The following NLRP13 variants were observed in gnomAD, a reference collection of about 807,000 sequenced individuals.
The protein encoded by NLRP13 is NACHT, LRR and PYD domains-containing protein 13.
NLRP13 carries 82 observed loss-of-function variants against 94.4 expected under a neutral mutation model. The observed-to-expected ratio is 0.87, with a 90% CI of 0.73 to 1.04. The LOEUF (loss-of-function observed/expected upper bound fraction) is 1.04, where lower values mean the gene tolerates loss of function less well. NLRP13 is among the 50% of genes least tolerant of loss of function. The pLI, the probability that NLRP13 is intolerant of heterozygous loss-of-function variation, is 0.00. For synonymous variants in NLRP13, 553 were observed against 464.7 expected (o/e 1.19, Z -2.45); for missense variants, 1,426 against 1,230.8 (o/e 1.16, Z -2.37).
chr19:55,929,169 T>G (rs1270086004), intron 1 of NLRP13, among the ~76,000 whole-genome samples: 1 of 152,194 alleles, frequency 6.6e-6, no homozygotes, highest in Admixed American at 6.5e-5. Context: ...ACTTTTACAC[T>G]GTTGGTGGGA....
chr19:55,911,073 A>G (rs1017396879), intron 5 of NLRP13, among the ~76,000 whole-genome samples: 1 of 152,104 alleles, frequency 6.6e-6, no homozygotes, highest in Admixed American at 6.6e-5. Context: ...GGGTTGCAAG[A>G]CCACCCCTAG....
At chr19:55,927,455 T>C (rs1986995106) in intron 1 of NLRP13, among the ~76,000 whole-genome samples, 2 of 104,586 alleles carry the variant, frequency 1.9e-5, no homozygotes, top group Admixed American at 1.0e-4. Context: ...GTCTAATTCC[T>C]TAAAAAAAAA....
At chr19:55,915,967 C>T (rs1401131321) in intron 4 of NLRP13, among the ~76,000 whole-genome samples, 1 of 152,302 alleles carries the variant, frequency 6.6e-6, no homozygotes, top group South Asian at 2.1e-4. Flanking sequence ...CAACCCAATA[C>T]AAAAGCTGCT....
intron 8 of NLRP13, among the ~76,000 whole-genome samples, chr19:55,903,223 T>C (rs1399057717): frequency 1.3e-5 from 2 of 152,144 alleles, no homozygotes; most frequent in Non-Finnish European, 2.9e-5. Flanking sequence ...TAACTCACAT[T>C]ATGTGTGTGA....
chr19:55,918,662 G>T (rs939877921), intron 4 of NLRP13, among the ~76,000 whole-genome samples: 1 of 152,044 alleles, frequency 6.6e-6, no homozygotes, highest in East Asian at 1.9e-4. Context: ...AACCTACCAA[G>T]ATTGAATCAG....
chr19:55,930,291 TG>T (rs1246129583), intron 1 of NLRP13, among the ~76,000 whole-genome samples: 1 of 152,242 alleles, frequency 6.6e-6, no homozygotes, highest in Non-Finnish European at 1.5e-5. Flanking sequence ...TTAAGCTGTC[TG>T]TGCCTCAGTT....
rs776402197 is a variant in NLRP13 at position 55,907,837 on chromosome 19, A to G, written c.2402T>C (p.Ile801Thr). The G allele has an allele frequency of 1.2e-6, 2 of 1,613,848 alleles. No individual in the cohort carries two copies. The highest frequency in any genetic ancestry group is 1.3e-5 in the African/African-American group (1 of 74,902). The change falls in exon 7 of 11, where the codon ATT becomes ACT. Residue 801 changes from isoleucine to threonine, a missense_variant. Ile to Thr is a moderately conservative substitution (Grantham distance 89, BLOSUM62 -1). Transcript: ENST00000342929. The stretch of plus-strand genomic sequence containing the variant: ...AGCTGAGTGTCTCAAAGCTTTAAGA[A>G]TCAGGGGGACAGTCATTCCCAGCTT... ...SNKLGMTVPL[I>T]LKALRHSACN...
chr19:55,921,916 A>C (rs1160542660), intron 4 of NLRP13, among the ~76,000 whole-genome samples: 2 of 152,326 alleles, frequency 1.3e-5, no homozygotes, highest in East Asian at 3.9e-4. Flanking sequence ...GTTAATTGGT[A>C]TATTAGTCTG....
chr19:55,898,891 T>C lies in NLRP13; in HGVS notation c.2836A>G (p.Asn946Asp). Residue 946 changes from asparagine (N) to aspartate (D), a missense_variant, in exon 10 of 11, where the codon AAT (asparagine) becomes GAT (aspartate). Transcript: ENST00000342929. ...FTREGCGELA[N>D]ALSHNHNVKI... ...ACATTATGATTATGGCTGAGGGCATTAGCCAGCTCTCCACAGCCCTCTCTT... is the reference window on the plus strand; with the variant it reads ...ACATTATGATTATGGCTGAGGGCATCAGCCAGCTCTCCACAGCCCTCTCTT... 6.2e-7 allele frequency: 1 copy of C among 1,613,498 alleles called. No homozygotes were observed. The highest frequency in any genetic ancestry group is 1.7e-4 in the Middle Eastern group (1 of 6,060).
intron 4 of NLRP13, among the ~76,000 whole-genome samples, 175 bp downstream of exon 4, chr19:55,923,739 G>A (rs751831477): frequency 6.6e-6 from 1 of 152,138 alleles, no homozygotes; most frequent in Non-Finnish European, 1.5e-5. Context: ...TCTGCGGGTT[G>A]GACCTGGCAT....
rs1231267556 is a variant in NLRP13, at chr19:55,912,632, G to A, written c.1185C>T (p.Phe395=). 1 of 1,614,092 alleles carries A rather than the reference G, an allele frequency of 6.2e-7. No individual in the cohort carries two copies. The highest frequency in any genetic ancestry group is 1.3e-5 in the African/African-American group (1 of 74,938). The change falls in exon 5 of 11, where the codon TTC becomes TTT. Residue 395 remains phenylalanine (F), a synonymous_variant. Coordinates refer to ENST00000342929, the MANE Select transcript of NLRP13 (RefSeq NM_176810.2). ...CACTTGAGTCATCAAAGTGTCTCAT[G>A]AAATATACCCGTAGGTCGTCCCCTG... ...GFTGDDLRVY[F]MRHFDDSSEV... is the part of the protein sequence containing the mutation.
Position 55,908,778 on chromosome 19 carries a change from G to A in NLRP13, c.2283-822C>T, listed in dbSNP as rs576680888. Among the ~76,000 whole-genome samples the A allele has an allele frequency of 5.3e-5, 8 of 152,274 alleles. No homozygotes were observed. In the South Asian group the frequency reaches 1.7e-3, roughly 32 times the overall value. Reference sequence around the variant, plus strand: ...TGGGGCCTGTTGGAAGGTGAAGAGTGGGAAAAGGCAGAGGATCAGGAAAAA... The same window carrying A: ...TGGGGCCTGTTGGAAGGTGAAGAGTAGGAAAAGGCAGAGGATCAGGAAAAA... On this transcript the variant is annotated intron_variant, in intron 6 of 10. Coordinates refer to ENST00000342929, the MANE Select transcript of NLRP13 (RefSeq NM_176810.2).
intron 10 of NLRP13, among the ~76,000 whole-genome samples, chr19:55,896,974 CA>C (rs1986034703): frequency 6.6e-6 from 1 of 151,856 alleles, no homozygotes; most frequent in Admixed American, 6.6e-5. Flanking sequence ...GAGGAGGAAA[CA>C]AAAACTTAAC....
intron 8 of NLRP13, among the ~76,000 whole-genome samples, chr19:55,904,376 C>T (rs910484910): frequency 1.3e-5 from 2 of 152,160 alleles, no homozygotes; most frequent in African/African-American, 2.4e-5. Flanking sequence ...GTGTGAGCCA[C>T]CTTGCCCAGC....
intron 1 of NLRP13, among the ~76,000 whole-genome samples, chr19:55,925,461 G>A (rs891916538): frequency 1.3e-5 from 2 of 152,146 alleles, no homozygotes; most frequent in Non-Finnish European, 2.9e-5. Flanking sequence ...TGATTTATGC[G>A]TTATGTCTAT....
At chr19:55,909,653 A>C (rs1043698753) in intron 6 of NLRP13, among the ~76,000 whole-genome samples, 3 of 152,316 alleles carry the variant, frequency 2.0e-5, no homozygotes, top group African/African-American at 7.2e-5. Flanking sequence ...ATGGAGTTAC[A>C]AAGATAGGTA....
chr19:55,919,547 C>G lies in NLRP13; in HGVS notation c.523+4367G>C, dbSNP rs1376319316. 2.0e-5 allele frequency among the ~76,000 whole-genome samples: 3 copies of G among 151,724 alleles called. No individual in the cohort carries two copies. The South Asian group carries it at 6.2e-4, about 31-fold the overall frequency. On this transcript the variant is annotated intron_variant, in intron 4 of 10. Transcript: ENST00000342929. ...TTAAAATAAAGCAATGTACAAATATCAGTAGCCTTTCTATACTCCATAATG... is the reference window on the plus strand; with the variant it reads ...TTAAAATAAAGCAATGTACAAATATGAGTAGCCTTTCTATACTCCATAATG...
intron 4 of NLRP13, among the ~76,000 whole-genome samples, chr19:55,922,616 A>G (rs1460663001): frequency 6.6e-6 from 1 of 152,170 alleles, no homozygotes; most frequent in Non-Finnish European, 1.5e-5. Flanking sequence ...GTGAGCCATC[A>G]TGCCCAGCAG....
At chr19:55,930,137 T>C (rs1324016803) in intron 1 of NLRP13, among the ~76,000 whole-genome samples, 1 of 152,144 alleles carries the variant, frequency 6.6e-6, no homozygotes, top group Non-Finnish European at 1.5e-5. Context: ...AGACTCAGTA[T>C]TGCCCACTCT....
Sources: gnomAD v4.1 joint callset for allele counts (sites outside exome capture counted in the v4.1 genomes callset) on GRCh38, gnomAD v4.1.1 for gene constraint, MANE v1.5 for transcripts, NCBI Gene and HGNC (gene_info 2026-07-23, HGNC 2026-07-21) for gene names.